NDFIP2: variants seen among roughly 807,000 people sequenced by gnomAD.
The protein encoded by NDFIP2 is Nedd4 family interacting protein 2, also known as NEDD4 family-interacting protein 2.
A neutral mutation model predicts 36.0 loss-of-function variants in NDFIP2; 19 were observed. That is an observed-to-expected ratio of 0.53 (90% CI 0.37 to 0.77). The LOEUF (loss-of-function observed/expected upper bound fraction) is 0.77. NDFIP2 is among the 30% of genes least tolerant of loss of function. The probability of loss-of-function intolerance (pLI) is 0.00; values close to 1 mark genes in which losing one functional copy is unlikely to be tolerated. For missense variants in NDFIP2, 446 were observed against 435.8 expected, an observed-to-expected ratio of 1.02 and a Z score of -0.21; for synonymous variants, 181 against 167.7, an observed-to-expected ratio of 1.08 and a Z score of -0.61.
At chr13:79,498,177 A>G (rs936801511) in intron 1 of NDFIP2, among the ~76,000 whole-genome samples, 7 of 151,826 alleles carry the variant, frequency 4.6e-5, no homozygotes, top group African/African-American at 1.7e-4. Context: ...GAATTTAGAG[A>G]CAGTAAAACC....
At chr13:79,549,816 G>T (rs1157891481) in intron 6 of NDFIP2, among the ~76,000 whole-genome samples, 1 of 151,816 alleles carries the variant, frequency 6.6e-6, no homozygotes, top group Non-Finnish European at 1.5e-5. Flanking sequence ...CATCTGGAAG[G>T]GCATGAGGGT....
intron 5 of NDFIP2, among the ~76,000 whole-genome samples, chr13:79,546,261 T>C (rs1023007812): frequency 6.6e-6 from 1 of 152,212 alleles, no homozygotes. Flanking sequence ...GTCCATTTTG[T>C]ATCTGAGCTG....
intron 5 of NDFIP2, among the ~76,000 whole-genome samples, chr13:79,545,292 A>G (rs750362841): frequency 6.6e-6 from 1 of 152,174 alleles, no homozygotes; most frequent in Non-Finnish European, 1.5e-5. Flanking sequence ...TTATGTCCTT[A>G]AAGTATTACA....
intron 1 of NDFIP2, among the ~76,000 whole-genome samples, 159 bp downstream of exon 1, chr13:79,481,683 C>T (rs1477297878): frequency 6.6e-6 from 1 of 152,078 alleles, no homozygotes; most frequent in African/African-American, 2.4e-5. Context: ...CTTCACTCGC[C>T]TCACCTGCGC....
In NDFIP2 at chr13:79,481,257, TAG is replaced by T. The variant is rs1430456209; in HGVS notation, c.55_56del (p.Ser19ArgfsTer28). 1 of 1,535,826 alleles carries T rather than the reference TAG, an allele frequency of 6.5e-7. No homozygotes were observed. The highest frequency in any genetic ancestry group is 1.4e-5 in the African/African-American group (1 of 72,904). On this transcript the variant is annotated frameshift_variant, in exon 1 of 8. Transcript: ENST00000218652. LOFTEE classifies it high-confidence loss of function. Reference protein sequence around the residue: ...VCASGPSMLNSARGAPELLRG... With the variant: ...VCASGPSMLNXARGAPELLRG... ...GCGCGAGCGGTCCGAGCATGCTCAA[TAG>T]CGCGCGCGGCGCCCCGGAGCTTCTC...
Position 79,554,884 on chromosome 13 carries a change from C to T in NDFIP2, c.*2371C>T, listed in dbSNP as rs1005130391. ...TTCTATTGTAAATGAATAAGCTAGT[C>T]ATGGCTAGGATAATCCATTTTCATG... On this transcript the variant is annotated 3_prime_UTR_variant, in exon 8 of 8. Transcript: ENST00000218652. 2 of 151,880 alleles carry T rather than the reference C, an allele frequency of 1.3e-5. No homozygotes were observed. Among genetic ancestry groups the T allele is most frequent in the African/African-American group, 2.4e-5 (1 of 41,396 alleles). 9.4% of individuals were successfully genotyped at this position (151,880 alleles called of 1,614,324 possible).
chr13:79,493,716 TAA>T (rs1233245061), intron 1 of NDFIP2, among the ~76,000 whole-genome samples: 1 of 152,152 alleles, frequency 6.6e-6, no homozygotes, highest in Non-Finnish European at 1.5e-5. Flanking sequence ...TTATGATAGC[TAA>T]GTTTCTTTTA....
At chr13:79,514,219 A>G (rs577264687) in intron 1 of NDFIP2, among the ~76,000 whole-genome samples, 1 of 152,362 alleles carries the variant, frequency 6.6e-6, no homozygotes, top group African/African-American at 2.4e-5. Context: ...TAAGAAAAGT[A>G]GTACTAGCTG....
rs549556538 is a variant in NDFIP2, at chr13:79,498,244, A to C, written c.321+16720A>C. 3.0e-4 allele frequency among the ~76,000 whole-genome samples: 46 copies of C among 152,058 alleles called. 1 individual carries two copies. The South Asian group carries it at 8.7e-3, about 29-fold the overall frequency. On this transcript the variant is annotated intron_variant, in intron 1 of 7. Coordinates refer to ENST00000218652, the MANE Select transcript of NDFIP2 (RefSeq NM_019080.3). ...AGTTCCCATTGCAGACAAATGAAGT[A>C]ATGAAATTCAAGTTTTTACATTTTT...
At chr13:79,501,168 G>A (rs1306593885) in intron 1 of NDFIP2, among the ~76,000 whole-genome samples, 1 of 152,028 alleles carries the variant, frequency 6.6e-6, no homozygotes, top group African/African-American at 2.4e-5. Flanking sequence ...AGTGTGGAGG[G>A]AGGGATGAAT....
chr13:79,548,876 G>A (rs1875791220), intron 6 of NDFIP2, among the ~76,000 whole-genome samples: 1 of 151,976 alleles, frequency 6.6e-6, no homozygotes, highest in African/African-American at 2.4e-5. Context: ...CTTCTGTTGA[G>A]TTGTCTTCCT....
intron 3 of NDFIP2, among the ~76,000 whole-genome samples, chr13:79,537,388 G>A (rs1159368498): frequency 2.6e-5 from 4 of 152,138 alleles, no homozygotes; most frequent in Non-Finnish European, 5.9e-5. Flanking sequence ...TGGGATTACA[G>A]GCATGAGCCA....
chr13:79,541,044 T>G (rs1269666414), intron 4 of NDFIP2, among the ~76,000 whole-genome samples: 3 of 152,182 alleles, frequency 2.0e-5, no homozygotes, highest in Non-Finnish European at 4.4e-5. Flanking sequence ...AATAACATTT[T>G]AATAACAAAC....
chr13:79,485,720 A>G (rs1194997820), intron 1 of NDFIP2, among the ~76,000 whole-genome samples: 1 of 152,220 alleles, frequency 6.6e-6, no homozygotes, highest in Non-Finnish European at 1.5e-5. Context: ...TTATACTGAC[A>G]GTATGAATGT....
chr13:79,520,735 A>G, intron 1 of NDFIP2, 75 bp from the exon 2 acceptor site: 3 of 1,374,930 alleles, frequency 2.2e-6, no homozygotes, highest in Non-Finnish European at 2.9e-6. Flanking sequence ...CTGTGTCTGA[A>G]ATGATAAAAT....
Position 79,553,401 on chromosome 13 carries a change from G to T in NDFIP2, c.*888G>T, listed in dbSNP as rs370849898. On this transcript the variant is annotated 3_prime_UTR_variant, in exon 8 of 8. Transcript: ENST00000218652. ...AGGATTGCCCATCTTAAGAGATCTT[G>T]CAGGAAGAGATTGTATTAGATATTA... 5 of 151,314 alleles carry T rather than the reference G, an allele frequency of 3.3e-5. No homozygotes were observed. The highest frequency in any genetic ancestry group is 1.2e-4 in the African/African-American group (5 of 41,366). 9.4% of individuals were successfully genotyped at this position (151,314 alleles called of 1,614,324 possible). A position where few individuals can be genotyped will look rare whatever the true frequency, so the allele number is the denominator to read the frequency against.
chr13:79,503,443 A>G (rs1873742844), intron 1 of NDFIP2, among the ~76,000 whole-genome samples: 1 of 152,164 alleles, frequency 6.6e-6, no homozygotes, highest in Non-Finnish European at 1.5e-5. Context: ...TATAGTCCAG[A>G]CTACATAGGA....
At chr13:79,518,420 A>T (rs566682901) in intron 1 of NDFIP2, among the ~76,000 whole-genome samples, 1 of 152,340 alleles carries the variant, frequency 6.6e-6, no homozygotes, top group African/African-American at 2.4e-5. Flanking sequence ...TACATTCACT[A>T]TCTCACAAAA....
intron 1 of NDFIP2, among the ~76,000 whole-genome samples, chr13:79,502,756 A>G (rs969223716): frequency 2.0e-5 from 3 of 152,124 alleles, no homozygotes; most frequent in Admixed American, 6.6e-5. Flanking sequence ...GTGAGGAAAT[A>G]AAAGTACAGA....
Sources: gnomAD v4.1 joint callset for allele counts (sites outside exome capture counted in the v4.1 genomes callset) on GRCh38, gnomAD v4.1.1 for gene constraint, MANE v1.5 for transcripts, NCBI Gene and HGNC (gene_info 2026-07-23, HGNC 2026-07-21) for gene names.